GABRG3: variants seen among roughly 807,000 people sequenced by gnomAD.
The protein encoded by GABRG3 is gamma-aminobutyric acid type A receptor subunit gamma3.
GABRG3 carries 25 observed loss-of-function variants against 48.8 expected under a neutral mutation model. The observed-to-expected ratio is 0.51, with a 90% CI of 0.37 to 0.72. The LOEUF is 0.72. GABRG3 is among the 30% of genes least tolerant of loss of function. GABRG3 has a pLI of 0.00. For missense variants in GABRG3, 394 were observed against 577.9 expected (o/e 0.68, Z 3.26); for synonymous variants, 227 against 217.6 (o/e 1.04, Z -0.38).
chr15:27,369,240 A>C lies in GABRG3; in HGVS notation c.574+40352A>C, dbSNP rs554426134. On this transcript the variant is annotated intron_variant, in intron 5 of 9. Coordinates refer to ENST00000615808, the MANE Select transcript of GABRG3 (RefSeq NM_033223.5). Reference sequence around the variant, plus strand: ...CTAGCAGAAAGTTCTAGATAATGCAAGTGAGTTCAGCAAAATAACAGAATG... The same window carrying C: ...CTAGCAGAAAGTTCTAGATAATGCACGTGAGTTCAGCAAAATAACAGAATG... Among the ~76,000 whole-genome samples, 7 of 152,338 alleles carry C rather than the reference A, an allele frequency of 4.6e-5. No individual in the cohort carries two copies. The South Asian group carries it at 1.5e-3, about 32-fold the overall frequency.
chr15:27,413,725 A>G (rs1887865867), intron 5 of GABRG3, among the ~76,000 whole-genome samples: 1 of 152,196 alleles, frequency 6.6e-6, no homozygotes. Context: ...CTCCCAGAAT[A>G]AAATTATTTA....
intron 3 of GABRG3, among the ~76,000 whole-genome samples, chr15:27,209,314 A>G (rs1329204862): frequency 6.6e-6 from 1 of 152,132 alleles, no homozygotes; most frequent in Non-Finnish European, 1.5e-5. Context: ...AGTGTTCTTA[A>G]GCACTGGGAA....
At chr15:27,087,922 GGT>G (rs139541711) in intron 3 of GABRG3, among the ~76,000 whole-genome samples, 2,213 of 148,580 alleles carry the variant, frequency 0.015, 23 homozygotes, top group Middle Eastern at 0.035. Flanking sequence ...GGTGTGCTGT[GGT>G]GTGTGTGTGA....
intron 3 of GABRG3, among the ~76,000 whole-genome samples, chr15:27,076,047 CTT>C (rs1896904653): frequency 6.6e-6 from 1 of 152,178 alleles, no homozygotes; most frequent in South Asian, 2.1e-4. Flanking sequence ...TCCTCACAGT[CTT>C]GAGCTTGCAG....
At chr15:27,112,719 T>A (rs1257590809) in intron 3 of GABRG3, among the ~76,000 whole-genome samples, 1 of 152,128 alleles carries the variant, frequency 6.6e-6, no homozygotes. Flanking sequence ...GAATTACAGG[T>A]GTGAGCCACC....
At chr15:27,212,565 T>A (rs1359686020) in intron 3 of GABRG3, among the ~76,000 whole-genome samples, 1 of 152,230 alleles carries the variant, frequency 6.6e-6, no homozygotes. Flanking sequence ...CTCATTATTT[T>A]GTGGTGAAAT....
chr15:27,297,533 A>C (rs1240688045), intron 3 of GABRG3, among the ~76,000 whole-genome samples: 6 of 152,216 alleles, frequency 3.9e-5, no homozygotes, highest in African/African-American at 1.4e-4. Flanking sequence ...ACAATTCCTT[A>C]GAATATTCAG....
intron 5 of GABRG3, among the ~76,000 whole-genome samples, chr15:27,441,749 G>A (rs893267980): frequency 4.6e-5 from 7 of 152,074 alleles, no homozygotes; most frequent in Non-Finnish European, 1.0e-4. Context: ...TCTGCGCCTT[G>A]ACCTCCTGGG....
chr15:26,993,159 CT>C (rs1895278070), intron 2 of GABRG3, among the ~76,000 whole-genome samples: 1 of 151,946 alleles, frequency 6.6e-6, no homozygotes, highest in South Asian at 2.1e-4. Context: ...AAAAAACCAA[CT>C]TTTTGTTTCA....
intron 5 of GABRG3, among the ~76,000 whole-genome samples, chr15:27,419,792 T>C (rs1888055341): frequency 6.6e-6 from 1 of 152,180 alleles, no homozygotes; most frequent in Admixed American, 6.5e-5. Flanking sequence ...CTCAAAACCA[T>C]GTTGAATTTT....
At chr15:27,310,154 G>T (rs1420198665) in intron 3 of GABRG3, among the ~76,000 whole-genome samples, 1 of 152,030 alleles carries the variant, frequency 6.6e-6, no homozygotes, top group Admixed American at 6.6e-5. Context: ...ATGGAGAAGT[G>T]ATCAGTGGTT....
intron 3 of GABRG3, 124 bp from the exon 4 acceptor site, chr15:27,326,685 C>G: frequency 1.4e-6 from 1 of 732,720 alleles, no homozygotes; most frequent in Non-Finnish European, 2.3e-6. Flanking sequence ...CAGTCTCTAT[C>G]AGAAAGAGAA....
chr15:27,003,651 T>G (rs978611901), intron 2 of GABRG3, among the ~76,000 whole-genome samples: 2 of 152,200 alleles, frequency 1.3e-5, no homozygotes, highest in Admixed American at 1.3e-4. Flanking sequence ...AACCATCCGA[T>G]TTCTCAATCT....
In GABRG3 at chr15:27,535,096, C is replaced by T. The variant is rs891953528; in HGVS notation, c.*2215C>T. On this transcript the variant is annotated 3_prime_UTR_variant, in exon 10 of 10. Coordinates refer to ENST00000615808, the MANE Select transcript of GABRG3 (RefSeq NM_033223.5). ...CAGAAGTATTCTGCAAGGACCCTGACCAAAGGAATCCAAGTCACACCACAG... is the reference window on the plus strand; with the variant it reads ...CAGAAGTATTCTGCAAGGACCCTGATCAAAGGAATCCAAGTCACACCACAG... 1.3e-5 allele frequency: 2 copies of T among 152,142 alleles called. No individual in the cohort carries two copies. Among genetic ancestry groups the T allele is most frequent in the Admixed American group, 6.5e-5 (1 of 15,280 alleles). The allele number at this position is 152,142 out of a possible 1,614,324, so 9.4% of individuals were successfully genotyped here.
intron 5 of GABRG3, among the ~76,000 whole-genome samples, chr15:27,391,258 T>C (rs1887121232): frequency 6.6e-6 from 1 of 152,186 alleles, no homozygotes; most frequent in Non-Finnish European, 1.5e-5. Context: ...AATATGCTGT[T>C]ACAGGAAATG....
chr15:27,210,158 T>C (rs1333633334), intron 3 of GABRG3, among the ~76,000 whole-genome samples: 10 of 152,154 alleles, frequency 6.6e-5, no homozygotes. Context: ...GGCCTTCCTT[T>C]GAAGGGACCT....
At chr15:27,426,327 A>G (rs1426203907) in intron 5 of GABRG3, among the ~76,000 whole-genome samples, 1 of 152,184 alleles carries the variant, frequency 6.6e-6, no homozygotes, top group Non-Finnish European at 1.5e-5. Context: ...TGCCCACACA[A>G]AAGGGCATGA....
At chr15:27,498,411 TA>T (rs1202139909) in intron 6 of GABRG3, among the ~76,000 whole-genome samples, 5 of 152,246 alleles carry the variant, frequency 3.3e-5, no homozygotes, top group African/African-American at 4.8e-5. Context: ...TTCTTCTGCA[TA>T]ACATTTTCTC....
intron 3 of GABRG3, among the ~76,000 whole-genome samples, chr15:27,163,139 T>G (rs1425617664): frequency 6.6e-6 from 1 of 152,116 alleles, no homozygotes; most frequent in Non-Finnish European, 1.5e-5. Context: ...AGATGAACTC[T>G]GCTGAAATAC....
Sources: allele counts gnomAD v4.1 joint callset (sites outside exome capture counted in the v4.1 genomes callset), GRCh38; gene constraint gnomAD v4.1.1; transcripts MANE v1.5; gene names NCBI Gene and HGNC (gene_info 2026-07-23, HGNC 2026-07-21).